ME3: variants seen among roughly 807,000 people sequenced by gnomAD.
ME3 encodes NADP-dependent malic enzyme, mitochondrial.
ME3 carries 48 observed loss-of-function variants against 68.9 expected under a neutral mutation model. That is an observed-to-expected ratio of 0.70 (90% confidence interval 0.55 to 0.89). The LOEUF (loss-of-function observed/expected upper bound fraction) is 0.89. ME3 is among the 40% of genes least tolerant of loss of function. The pLI, the probability that ME3 is intolerant of heterozygous loss-of-function variation, is 0.00. For missense variants in ME3, 675 were observed against 797.4 expected, an observed-to-expected ratio of 0.85 and a Z score of 1.85; for synonymous variants, 320 against 318.8, an observed-to-expected ratio of 1.00 and a Z score of -0.04.
At chr11:86,574,202 C>T (rs1267728946) in intron 2 of ME3, among the ~76,000 whole-genome samples, 1 of 152,180 alleles carries the variant, frequency 6.6e-6, no homozygotes, top group East Asian at 1.9e-4. Flanking sequence ...CTGAAGCCTA[C>T]TTCTGTCAAT....
At chr11:86,497,473 G>T (rs1190119177) in intron 6 of ME3, among the ~76,000 whole-genome samples, 1 of 152,168 alleles carries the variant, frequency 6.6e-6, no homozygotes, top group African/African-American at 2.4e-5. Context: ...CCTGCAGCTG[G>T]ATCTCACCTA....
At chr11:86,610,894 G>T (rs749647496) in intron 2 of ME3, among the ~76,000 whole-genome samples, 3 of 152,228 alleles carry the variant, frequency 2.0e-5, no homozygotes, top group African/African-American at 4.8e-5. Context: ...CTGTTGGCCA[G>T]AAAAGCCAGG....
chr11:86,581,913 C>G (rs1042396992), intron 2 of ME3, among the ~76,000 whole-genome samples: 3 of 152,316 alleles, frequency 2.0e-5, no homozygotes, highest in Middle Eastern at 3.4e-3. Flanking sequence ...CCTGTTCTTT[C>G]CAATATTGAA....
chr11:86,441,057 T>C (rs902912894), downstream of ME3: 3 of 362,660 alleles, frequency 8.3e-6, no homozygotes, highest in African/African-American at 6.3e-5. Flanking sequence ...GTTGAAGAAA[T>C]GCTTAGGAAG....
intron 4 of ME3, among the ~76,000 whole-genome samples, chr11:86,530,030 A>T (rs61904415): frequency 0.16 from 24,550 of 152,122 alleles, 2,066 homozygotes; most frequent in East Asian, 0.26. Flanking sequence ...GAAGGAAATA[A>T]AGGGTATTCA....
At chr11:86,655,458 T>C (rs577286536) in intron 2 of ME3, among the ~76,000 whole-genome samples, 1 of 152,162 alleles carries the variant, frequency 6.6e-6, no homozygotes, top group Non-Finnish European at 1.5e-5. Flanking sequence ...TCTACAATTA[T>C]CTGATCTTTG....
intron 2 of ME3, among the ~76,000 whole-genome samples, chr11:86,648,695 C>T (rs1945199899): frequency 6.6e-6 from 1 of 152,140 alleles, no homozygotes; most frequent in Admixed American, 6.6e-5. Flanking sequence ...TCAGAGAATA[C>T]TATAAACACC....
intron 7 of ME3, among the ~76,000 whole-genome samples, chr11:86,471,046 A>G (rs1950753090): frequency 6.6e-6 from 1 of 150,674 alleles, no homozygotes; most frequent in Non-Finnish European, 1.5e-5. Flanking sequence ...GGGCCTTTGC[A>G]CGGTCCCCTG....
In ME3 at chr11:86,521,412, ACAAAAC is replaced by A. The variant is rs1565893826; in HGVS notation, c.468-12551_468-12546del. Among the ~76,000 whole-genome samples, 41 of 139,556 alleles carry A rather than the reference ACAAAAC, an allele frequency of 2.9e-4. 2 individuals are homozygous for A. The highest frequency in any genetic ancestry group is 9.3e-4 in the African/African-American group (33 of 35,662). 91.6% of individuals were successfully genotyped at this position (139,556 alleles called of 152,430 possible). ...TCCATCTCAAAAACAAACAAACAAA[ACAAAAC>A]AAAACAAAACAAAAATAATAATAAT... On this transcript the variant is annotated intron_variant, in intron 4 of 14. Transcript: ENST00000543262.
chr11:86,622,720 T>A (rs1041783522), intron 2 of ME3: 13 of 152,114 alleles, frequency 8.5e-5, no homozygotes. Context: ...CACTTTTTGG[T>A]GCAGCTTCTC....
chr11:86,593,076 C>T (rs771049672), intron 2 of ME3, among the ~76,000 whole-genome samples: 8 of 152,150 alleles, frequency 5.3e-5, no homozygotes, highest in Non-Finnish European at 8.8e-5. Flanking sequence ...AAGAAGCTTC[C>T]TGGAGATGAC....
intron 7 of ME3, among the ~76,000 whole-genome samples, chr11:86,480,545 A>G (rs1448678698): frequency 1.3e-5 from 2 of 152,112 alleles, no homozygotes; most frequent in African/African-American, 4.8e-5. Flanking sequence ...CTGTCCAGAA[A>G]CTTCCCAAGC....
intron 4 of ME3, among the ~76,000 whole-genome samples, chr11:86,536,517 C>CA (rs561851177): frequency 0.048 from 6,286 of 129,656 alleles, 190 homozygotes; most frequent in Non-Finnish European, 0.074. Flanking sequence ...TTTATGCAGC[C>CA]AAAAAACACA....
intron 2 of ME3, among the ~76,000 whole-genome samples, chr11:86,616,281 A>T (rs4944607): frequency 0.39 from 59,616 of 152,014 alleles, 12,390 homozygotes; most frequent in East Asian, 0.7. Flanking sequence ...TATGAATAAA[A>T]CTTTTATGAT....
At chr11:86,453,523 G>T (rs987448638) in intron 8 of ME3, among the ~76,000 whole-genome samples, 3 of 152,130 alleles carry the variant, frequency 2.0e-5, no homozygotes, top group Non-Finnish European at 4.4e-5. Context: ...GGGATAATAT[G>T]CTTCCCCCCC....
At chr11:86,535,880 C>T (rs1001390994) in intron 4 of ME3, among the ~76,000 whole-genome samples, 1 of 152,128 alleles carries the variant, frequency 6.6e-6, no homozygotes, top group Non-Finnish European at 1.5e-5. Context: ...TCTATCTATC[C>T]ACTACTCCTT....
At chr11:86,489,732 G>A (rs1357547454) in intron 6 of ME3, among the ~76,000 whole-genome samples, 3 of 151,982 alleles carry the variant, frequency 2.0e-5, no homozygotes, top group Non-Finnish European at 2.9e-5. Context: ...CTCAGTCCTC[G>A]CTCCCTTCTG....
At chr11:86,496,925 T>C (rs958699133) in intron 6 of ME3, among the ~76,000 whole-genome samples, 2 of 151,594 alleles carry the variant, frequency 1.3e-5, no homozygotes, top group Non-Finnish European at 2.9e-5. Context: ...ATGTAAACAA[T>C]GATTAGTGCT....
At chr11:86,450,494 G>T in intron 8 of ME3, 96 bp from the exon 9 acceptor site, 1 of 984,658 alleles carries the variant, frequency 1.0e-6, no homozygotes, top group Non-Finnish European at 1.6e-6. Flanking sequence ...GGACTGTGGA[G>T]GAACAGGCAA....
Sources: gnomAD v4.1 joint callset for allele counts (sites outside exome capture counted in the v4.1 genomes callset) on GRCh38, gnomAD v4.1.1 for gene constraint, MANE v1.5 for transcripts, NCBI Gene and HGNC (gene_info 2026-07-23, HGNC 2026-07-21) for gene names.